PTPRS: variants seen among roughly 807,000 people sequenced by gnomAD.
The protein encoded by PTPRS is receptor-type tyrosine-protein phosphatase S.
A neutral mutation model predicts 215.3 loss-of-function variants in PTPRS; 63 were observed. The observed-to-expected ratio is 0.29, with a 90% CI of 0.24 to 0.36. The LOEUF is 0.36. Among genes scored for constraint, PTPRS ranks in the 10% least tolerant of loss-of-function variants. PTPRS has a pLI of 1.00. For missense variants in PTPRS, 2,258 were observed against 2,825.8 expected (o/e 0.80, Z 4.56); for synonymous variants, 1,404 against 1,191.4 (o/e 1.18, Z -3.68).
intron 1 of PTPRS, among the ~76,000 whole-genome samples, chr19:5,330,904 A>G (rs1017489657): frequency 5.9e-5 from 9 of 152,072 alleles, no homozygotes; most frequent in Non-Finnish European, 1.3e-4. Flanking sequence ...CCGGCAGTTC[A>G]CACTCTCTAG....
intron 1 of PTPRS, among the ~76,000 whole-genome samples, chr19:5,303,690 C>T (rs897377569): frequency 6.6e-5 from 10 of 152,074 alleles, no homozygotes; most frequent in African/African-American, 2.4e-4. Flanking sequence ...TGGCTCACAC[C>T]TGGAATCCCA....
Position 5,325,440 on chromosome 19 carries a change from G to A in PTPRS, c.-95+15224C>T, listed in dbSNP as rs533405298. On this transcript the variant is annotated intron_variant, in intron 1 of 37. Coordinates refer to ENST00000262963, the MANE Select transcript of PTPRS (RefSeq NM_002850.4). Reference sequence around the variant, plus strand: ...GCCACAATATCTCATGTGGGCCATGGGGCCAGGTCTTGGGTCTCAAACCAG... The same window carrying A: ...GCCACAATATCTCATGTGGGCCATGAGGCCAGGTCTTGGGTCTCAAACCAG... 2.0e-4 allele frequency among the ~76,000 whole-genome samples: 31 copies of A among 152,384 alleles called. No individual in the cohort carries two copies. In the South Asian group the frequency reaches 6.2e-3, roughly 31 times the overall value.
intron 12 of PTPRS, 101 bp from the exon 13 acceptor site, chr19:5,239,164 G>A (rs79455606): frequency 0.25 from 107,096 of 431,952 alleles, 6,138 homozygotes; most frequent in Non-Finnish European, 0.3. Flanking sequence ...GGGGGGAGGG[G>A]GAGAGAGAGA....
chr19:5,315,501 C>T lies in PTPRS; in HGVS notation c.-95+25163G>A, dbSNP rs553736875. ...GCCTCAGCCTCCCGAGTAGCTGTGG[C>T]CACAGGTGTACACCATCATACTTGG... On this transcript the variant is annotated intron_variant, in intron 1 of 37. Transcript: ENST00000262963. Among the ~76,000 whole-genome samples, 13 of 151,610 alleles carry T rather than the reference C, an allele frequency of 8.6e-5. 1 individual carries two copies. The South Asian group carries it at 2.7e-3, about 32-fold the overall frequency.
chr19:5,233,427 CCTA>C (rs898234044), intron 13 of PTPRS, among the ~76,000 whole-genome samples: 1 of 150,912 alleles, frequency 6.6e-6, no homozygotes, highest in African/African-American at 2.4e-5. Context: ...TTATTAACTA[CCTA>C]CTATGTGCCA....
chr19:5,292,443 A>C (rs1213943627), intron 1 of PTPRS, among the ~76,000 whole-genome samples: 1 of 152,176 alleles, frequency 6.6e-6, no homozygotes, highest in Non-Finnish European at 1.5e-5. Flanking sequence ...GGGGAGGGTC[A>C]CCAAACTCTG....
intron 13 of PTPRS, 148 bp from the exon 14 acceptor site, chr19:5,231,763 C>A: frequency 8.5e-4 from 118 of 139,624 alleles, no homozygotes; most frequent in South Asian, 3.2e-3. Flanking sequence ...AAGTCGAACC[C>A]AAAAGAAGTG....
At chr19:5,307,436 C>A (rs2049534685) in intron 1 of PTPRS, among the ~76,000 whole-genome samples, 2 of 151,132 alleles carry the variant, frequency 1.3e-5, no homozygotes, top group Admixed American at 1.3e-4. Context: ...GTTATGAGAT[C>A]AGTATCACAG....
intron 4 of PTPRS, among the ~76,000 whole-genome samples, chr19:5,267,462 G>T (rs1026324613): frequency 1.8e-4 from 28 of 152,070 alleles, no homozygotes; most frequent in Admixed American, 6.6e-4. Context: ...TTCGAGACCA[G>T]CCTGGCCAAC....
At position 5,240,287 on chromosome 19, in the gene PTPRS, G is replaced by T; in HGVS notation, c.1616C>A (p.Thr539Asn). ...MNLRAEARSETSITLSWSPPR... is the reference protein window; with the variant it reads ...MNLRAEARSENSITLSWSPPR... The stretch of plus-strand genomic sequence containing the variant: ...GGGGCTCCAGGACAGCGTGATGCTG[G>T]TCTCCGACCTGGCCTCGGCCCGCAG... Residue 539 changes from threonine to asparagine, a missense_variant, in exon 12 of 38, where the codon ACC (threonine) becomes AAC (asparagine). Coordinates refer to ENST00000262963, the MANE Select transcript of PTPRS (RefSeq NM_002850.4). The T allele has an allele frequency of 6.2e-7, 1 of 1,601,848 alleles. No homozygotes were observed. The highest frequency in any genetic ancestry group is 8.5e-7 in the Non-Finnish European group (1 of 1,175,566).
At chr19:5,309,898 AG>A (rs2049638964) in intron 1 of PTPRS, among the ~76,000 whole-genome samples, 1 of 152,060 alleles carries the variant, frequency 6.6e-6, no homozygotes. Context: ...TTTCTGCAAC[AG>A]CCAGGGGTCG....
At position 5,206,763 on chromosome 19, in the gene PTPRS, G is replaced by A. The variant is rs762070302; in HGVS notation, c.*11C>T. ...GGGCCAGTGGTGTCGGGCCTGGGGG[G>A]AACCATGGCTTTAGGTTGCATAGTG... On this transcript the variant is annotated 3_prime_UTR_variant, in exon 38 of 38. Coordinates refer to ENST00000262963, the MANE Select transcript of PTPRS (RefSeq NM_002850.4). 6.2e-7 allele frequency: 1 copy of A among 1,611,248 alleles called. No individual in the cohort carries two copies. Among genetic ancestry groups the A allele is most frequent in the Admixed American group, 1.7e-5 (1 of 59,972 alleles).
intron 6 of PTPRS, 136 bp downstream of exon 6, chr19:5,262,828 G>A (rs923486301): frequency 6.5e-5 from 61 of 940,560 alleles, no homozygotes; most frequent in South Asian, 9.3e-5. Context: ...GGGAGAGGGC[G>A]TTAGTAAACA....
chr19:5,288,571 C>A (rs373208169), intron 1 of PTPRS, among the ~76,000 whole-genome samples: 1 of 152,194 alleles, frequency 6.6e-6, no homozygotes, highest in Non-Finnish European at 1.5e-5. Context: ...GTGACCACAG[C>A]GGCTGGCCCT....
rs747293200 is a variant in PTPRS, at chr19:5,286,039, C to G, written c.91+11G>C. On this transcript the variant is annotated intron_variant, in intron 2 of 37. Transcript: ENST00000262963. ...ACGCAGACCCCTGCACATCCCGTGCCGGCTTCTTACCTTCTGCTGCACAGC... is the reference window on the plus strand; with the variant it reads ...ACGCAGACCCCTGCACATCCCGTGCGGGCTTCTTACCTTCTGCTGCACAGC... 2 of 1,610,774 alleles carry G rather than the reference C, an allele frequency of 1.2e-6. No homozygotes were observed. Among genetic ancestry groups the G allele is most frequent in the Non-Finnish European group, 1.7e-6 (2 of 1,177,346 alleles).
At chr19:5,340,275 ACG>A (rs1230841005) in intron 1 of PTPRS, among the ~76,000 whole-genome samples, 1 of 148,564 alleles carries the variant, frequency 6.7e-6, no homozygotes, top group African/African-American at 2.5e-5. Context: ...CTCCGCACAC[ACG>A]CGCGCCCCCC....
In PTPRS at chr19:5,205,660, G is replaced by A. The variant is rs781462700; in HGVS notation, c.*1114C>T. On this transcript the variant is annotated 3_prime_UTR_variant, in exon 38 of 38. Transcript: ENST00000262963. ...AACAACTCGCTTGCTCAGGGTAGGC[G>A]GGTAGAGGGGGGCCTGTCCTTCTGG... 6.6e-6 allele frequency among the ~76,000 whole-genome samples: 1 copy of A among 152,196 alleles called. No individual in the cohort carries two copies. The highest frequency in any genetic ancestry group is 1.5e-5 in the Non-Finnish European group (1 of 68,032).
chr19:5,261,569 G>A (rs908065818), intron 6 of PTPRS, among the ~76,000 whole-genome samples: 6 of 152,204 alleles, frequency 3.9e-5, no homozygotes, highest in Non-Finnish European at 5.9e-5. Context: ...GCTGATGGCC[G>A]ATAACTTGAT....
intron 1 of PTPRS, among the ~76,000 whole-genome samples, chr19:5,301,431 T>G (rs1299123960): frequency 6.6e-6 from 1 of 151,142 alleles, no homozygotes; most frequent in Non-Finnish European, 1.5e-5. Flanking sequence ...TTCTCCTGCC[T>G]CAGCCTCCCG....
Sources: allele counts gnomAD v4.1 joint callset (sites outside exome capture counted in the v4.1 genomes callset), GRCh38; gene constraint gnomAD v4.1.1; transcripts MANE v1.5; gene names NCBI Gene and HGNC (gene_info 2026-07-23, HGNC 2026-07-21).